Variants in PIGU observed in about 807,000 individuals in gnomAD.
PIGU encodes the protein GPI-anchor transamidase component PIGU.
In PIGU, 24 loss-of-function variants were observed where a neutral mutation model predicts 49.9. The ratio of observed to expected loss-of-function variants is 0.48; its 90% confidence interval spans 0.35 to 0.68. The LOEUF is 0.68. Ranked by LOEUF, PIGU falls within the 30% of genes least tolerant of loss-of-function variation. The pLI is 0.01. For synonymous variants in PIGU, 220 were observed against 205.7 expected (o/e 1.07, Z -0.59); for missense variants, 490 against 532.6 (o/e 0.92, Z 0.79).
At chr20:34,563,285 C>G (rs559448235) in intron 11 of PIGU, among the ~76,000 whole-genome samples, 1 of 152,136 alleles carries the variant, frequency 6.6e-6, no homozygotes. Flanking sequence ...AATAAAACTT[C>G]GGCGAGGTGC....
chr20:34,634,856 G>C, intron 5 of PIGU, 141 bp from the exon 6 acceptor site: 3 of 1,391,960 alleles, frequency 2.2e-6, no homozygotes, highest in Non-Finnish European at 2.8e-6. Context: ...CCAAATAAAA[G>C]AGAATAGAGT....
chr20:34,661,416 A>G (rs1212983894), intron 1 of PIGU, among the ~76,000 whole-genome samples: 1 of 152,100 alleles, frequency 6.6e-6, no homozygotes, highest in South Asian at 2.1e-4. Context: ...CTTTGTGTCC[A>G]TGTGTACTCA....
At chr20:34,621,792 A>T (rs188298882) in intron 6 of PIGU, among the ~76,000 whole-genome samples, 1 of 152,314 alleles carries the variant, frequency 6.6e-6, no homozygotes, top group Non-Finnish European at 1.5e-5. Flanking sequence ...GCTCTATACG[A>T]AGAGTGTGAT....
At chr20:34,573,204 C>G (rs1266922334) in intron 11 of PIGU, among the ~76,000 whole-genome samples, 1 of 151,776 alleles carries the variant, frequency 6.6e-6, no homozygotes, top group Non-Finnish European at 1.5e-5. Context: ...ATAATGAATT[C>G]ATGTATTACT....
chr20:34,591,620 T>C (rs1983992664), intron 7 of PIGU, among the ~76,000 whole-genome samples: 1 of 152,146 alleles, frequency 6.6e-6, no homozygotes, highest in Admixed American at 6.5e-5. Flanking sequence ...TAACGTAAAA[T>C]AAATTAGAAA....
chr20:34,644,555 G>C (rs1043268938), intron 3 of PIGU, among the ~76,000 whole-genome samples: 2 of 152,174 alleles, frequency 1.3e-5, no homozygotes, highest in African/African-American at 4.8e-5. Flanking sequence ...CAAGTGCCTA[G>C]CACACAGTAG....
chr20:34,644,876 G>A (rs1350634603), intron 3 of PIGU, among the ~76,000 whole-genome samples: 1 of 152,086 alleles, frequency 6.6e-6, no homozygotes, highest in Non-Finnish European at 1.5e-5. Context: ...ACTATATATA[G>A]TCCAGAAACC....
chr20:34,575,798 T>A (rs1287282537), intron 10 of PIGU, among the ~76,000 whole-genome samples: 1 of 152,154 alleles, frequency 6.6e-6, no homozygotes, highest in Non-Finnish European at 1.5e-5. Flanking sequence ...CTCCCTTAGA[T>A]GATAAAGGAC....
intron 11 of PIGU, among the ~76,000 whole-genome samples, chr20:34,566,313 G>A (rs764229880): frequency 4.6e-5 from 7 of 152,224 alleles, no homozygotes; most frequent in African/African-American, 9.6e-5. Context: ...CCCCAGGCCC[G>A]GCACAGGGCC....
rs552221743 is a variant in PIGU at position 34,658,246 on chromosome 20, C to T, written c.131-1002G>A. On this transcript the variant is annotated intron_variant, in intron 1 of 11. Coordinates refer to ENST00000217446, the MANE Select transcript of PIGU (RefSeq NM_080476.5). ...CTAACCGCGAGTGATCCGCCAACCT[C>T]GGCCTCCCGAGGTGCCGGGATTGCA... Among the ~76,000 whole-genome samples, 194 of 152,360 alleles carry T rather than the reference C, an allele frequency of 1.3e-3. 1 individual carries two copies. The highest frequency in any genetic ancestry group is 1.6e-4 in the Non-Finnish European group (11 of 68,034).
At chr20:34,642,215 A>ACT (rs1986184405) in intron 4 of PIGU, among the ~76,000 whole-genome samples, 1 of 152,002 alleles carries the variant, frequency 6.6e-6, no homozygotes, top group African/African-American at 2.4e-5. Flanking sequence ...ACCATTAAAA[A>ACT]CTGTTTTGTT....
chr20:34,576,910 T>C (rs969706009), intron 10 of PIGU, among the ~76,000 whole-genome samples: 4 of 152,200 alleles, frequency 2.6e-5, no homozygotes, highest in Non-Finnish European at 5.9e-5. Flanking sequence ...GCCACCTGGA[T>C]TGTCCAGGAT....
chr20:34,639,170 G>A (rs1000670462), intron 4 of PIGU, among the ~76,000 whole-genome samples: 1 of 152,120 alleles, frequency 6.6e-6, no homozygotes, highest in Non-Finnish European at 1.5e-5. Context: ...GGGAGGCCGA[G>A]GCAGGCAGAT....
In PIGU at chr20:34,581,564, C is replaced by G. The variant is rs1259342318; in HGVS notation, c.1035G>C (p.Trp345Cys). 6.2e-7 allele frequency: 1 copy of G among 1,613,326 alleles called. No individual in the cohort carries two copies. Among genetic ancestry groups the G allele is most frequent in the Admixed American group, 1.7e-5 (1 of 59,924 alleles). The change falls in exon 10 of 12, where the codon TGG becomes TGC. Residue 345 changes from tryptophan to cysteine, a missense_variant. Trp to Cys is a radical substitution (Grantham distance 215). Coordinates refer to ENST00000217446, the MANE Select transcript of PIGU (RefSeq NM_080476.5). ...AGTACTCACATCTGTAGAGATGGTTCCACACGGGGAAGAAGGCCATGTAGA... is the reference window on the plus strand; with the variant it reads ...AGTACTCACATCTGTAGAGATGGTTGCACACGGGGAAGAAGGCCATGTAGA... Reference protein sequence around the residue: ...VALYMAFFPVWNHLYRFLRNI... With the variant: ...VALYMAFFPVCNHLYRFLRNI...
At position 34,655,318 on chromosome 20, in the gene PIGU, A is replaced by G. The variant is rs183238925; in HGVS notation, c.195+1862T>C. On this transcript the variant is annotated intron_variant, in intron 2 of 11. Coordinates refer to ENST00000217446, the MANE Select transcript of PIGU (RefSeq NM_080476.5). Reference sequence around the variant, plus strand: ...GAGCAAGACCCTGTCTTTAAAAAAAAAAAATTAGAAGGTACATTGTCAAAT... The same window carrying G: ...GAGCAAGACCCTGTCTTTAAAAAAAGAAAATTAGAAGGTACATTGTCAAAT... Among the ~76,000 whole-genome samples, 424 of 120,176 alleles carry G rather than the reference A, an allele frequency of 3.5e-3. 111 individuals are homozygous for G. The highest frequency in any genetic ancestry group is 0.012 in the African/African-American group (398 of 32,558). 78.8% of individuals were successfully genotyped at this position (120,176 alleles called of 152,430 possible). A position where few individuals can be genotyped will look rare whatever the true frequency, so the allele number is the denominator to read the frequency against.
chr20:34,574,966 G>A, intron 11 of PIGU, 138 bp downstream of exon 11: 1 of 1,157,570 alleles, frequency 8.6e-7, no homozygotes, highest in Non-Finnish European at 1.2e-6. Flanking sequence ...TCACTGACTG[G>A]GAGCTACTTG....
rs138862528 is a variant in PIGU at position 34,565,708 on chromosome 20, GAC to G, written c.1195-4731_1195-4730del. Among the ~76,000 whole-genome samples the G allele has an allele frequency of 6.6e-3, 974 of 146,978 alleles. 6 individuals are homozygous for G. Among genetic ancestry groups the G allele is most frequent in the East Asian group, 0.017 (83 of 4,936 alleles). ...TTCTCTTCCTGCAGCCACCTCTCTGGACACACACACACACACACACACACACA... is the reference window on the plus strand; with the variant it reads ...TTCTCTTCCTGCAGCCACCTCTCTGGACACACACACACACACACACACACA... On this transcript the variant is annotated intron_variant, in intron 11 of 11. Transcript: ENST00000217446.
chr20:34,668,430 CCAGCCTGGGT>C (rs1458584189), intron 1 of PIGU, among the ~76,000 whole-genome samples: 17 of 136,404 alleles, frequency 1.2e-4, no homozygotes, highest in Non-Finnish European at 2.4e-4. Context: ...CCACTGCACT[CCAGCCTGGGT>C]GACAGAGCGA....
At chr20:34,659,280 C>A (rs569318999) in intron 1 of PIGU, among the ~76,000 whole-genome samples, 4 of 103,300 alleles carry the variant, frequency 3.9e-5, no homozygotes, top group African/African-American at 1.1e-4. Context: ...CCCGGCCAGC[C>A]ACCCCGTCCG....
Sources: gnomAD v4.1 joint callset for allele counts (sites outside exome capture counted in the v4.1 genomes callset) on GRCh38, gnomAD v4.1.1 for gene constraint, MANE v1.5 for transcripts, NCBI Gene and HGNC (gene_info 2026-07-23, HGNC 2026-07-21) for gene names.